MCPH1: variants seen among roughly 807,000 people sequenced by gnomAD.
MCPH1 encodes the protein microcephalin.
MCPH1 carries 104 observed loss-of-function variants against 84.5 expected under a neutral mutation model. The observed-to-expected ratio is 1.23, with a 90% CI of 1.05 to 1.45. The LOEUF is 1.45. Among genes scored for constraint, MCPH1 ranks in the 40% most tolerant of loss-of-function variants. MCPH1 has a pLI of 0.00. For synonymous variants in MCPH1, 514 were observed against 366.8 expected, an observed-to-expected ratio of 1.40 and a Z score of -4.58; for missense variants, 1,498 against 1,005.7, an observed-to-expected ratio of 1.49 and a Z score of -6.62.
chr8:6,626,084 C>G lies in MCPH1; in HGVS notation c.2452+4393C>G, dbSNP rs2928592. The G allele has an allele frequency of 2.5e-3, 2,468 of 985,382 alleles. 50 individuals carry two copies. In the African/African-American group the frequency reaches 0.038, roughly 15 times the overall value. The allele number at this position is 985,382 out of a possible 1,614,324, so 61.0% of individuals were successfully genotyped here. A position where few individuals can be genotyped will look rare whatever the true frequency, so the allele number is the denominator to read the frequency against. ...TTCCTGCACAGTCTGCCTCTCAAGA[C>G]CAACAACTCCATATCTATGACGATA... On this transcript the variant is annotated intron_variant, in intron 13 of 13. Transcript: ENST00000344683.
chr8:6,518,818 T>C (rs1317978965), intron 12 of MCPH1, among the ~76,000 whole-genome samples: 1 of 152,218 alleles, frequency 6.6e-6, no homozygotes, highest in Non-Finnish European at 1.5e-5. Flanking sequence ...TATCCAGTAG[T>C]TACATAACAC....
chr8:6,553,805 G>A lies in MCPH1; in HGVS notation c.2214+53876G>A, dbSNP rs1001344370. ...TTGAGCAGAAAAGCGAATGTCAGAC[G>A]GTCCTTATAAAGTCCCACGTGATTC... On this transcript the variant is annotated intron_variant, in intron 12 of 13. Transcript: ENST00000344683. 4.6e-5 allele frequency among the ~76,000 whole-genome samples: 7 copies of A among 152,140 alleles called. No individual in the cohort carries two copies. In the South Asian group the frequency reaches 8.3e-4, roughly 18 times the overall value.
chr8:6,643,228 GTC>G lies in MCPH1; in HGVS notation c.*181_*182del, dbSNP rs1798048473. The G allele has an allele frequency of 3.0e-6, 2 of 666,924 alleles. No individual in the cohort carries two copies. Among genetic ancestry groups the G allele is most frequent in the Admixed American group, 4.8e-5 (2 of 42,092 alleles). The allele number at this position is 666,924 out of a possible 1,614,324, so 41.3% of individuals were successfully genotyped here. A position where few individuals can be genotyped will look rare whatever the true frequency, so the allele number is the denominator to read the frequency against. On this transcript the variant is annotated 3_prime_UTR_variant, in exon 14 of 14. Coordinates refer to ENST00000344683, the MANE Select transcript of MCPH1 (RefSeq NM_024596.5). ...ATAGGTGACTTTCTGATGACTGAATGTCTGTTTCAGAGACGCTTCGGGCCTTT... is the reference window on the plus strand; with the variant it reads ...ATAGGTGACTTTCTGATGACTGAATGTGTTTCAGAGACGCTTCGGGCCTTT...
At chr8:6,477,831 T>G (rs1433297512) in intron 10 of MCPH1, among the ~76,000 whole-genome samples, 200 bp downstream of exon 10, 1 of 152,250 alleles carries the variant, frequency 6.6e-6, no homozygotes. Flanking sequence ...ACTCTGGGGT[T>G]GTTTAGGCAG....
At chr8:6,528,193 C>T (rs941124273) in intron 12 of MCPH1, among the ~76,000 whole-genome samples, 4 of 152,152 alleles carry the variant, frequency 2.6e-5, no homozygotes, top group African/African-American at 4.8e-5. Context: ...CCACTGCACC[C>T]GGCCGTTATG....
chr8:6,609,975 T>G (rs188854534), intron 12 of MCPH1, among the ~76,000 whole-genome samples: 1 of 152,262 alleles, frequency 6.6e-6, no homozygotes, highest in Non-Finnish European at 1.5e-5. Context: ...TGAAACATCC[T>G]GAAACATCTC....
chr8:6,545,575 G>C (rs1003660887), intron 12 of MCPH1, among the ~76,000 whole-genome samples: 2 of 152,178 alleles, frequency 1.3e-5, no homozygotes, highest in Non-Finnish European at 2.9e-5. Context: ...TCTGATGAGG[G>C]TTAAAATGTA....
chr8:6,506,472 T>C (rs775314893), intron 12 of MCPH1, among the ~76,000 whole-genome samples: 1 of 152,198 alleles, frequency 6.6e-6, no homozygotes, highest in Non-Finnish European at 1.5e-5. Context: ...GCAATTCTCC[T>C]ACTCTCCTGA....
intron 9 of MCPH1, among the ~76,000 whole-genome samples, chr8:6,474,862 C>T (rs942224658): frequency 9.2e-5 from 14 of 152,164 alleles, no homozygotes; most frequent in African/African-American, 2.4e-5. Context: ...ATACTTAATG[C>T]TGACAACTCA....
intron 8 of MCPH1, chr8:6,447,522 G>T (rs1036836710): frequency 3.0e-6 from 2 of 677,794 alleles, no homozygotes; most frequent in African/African-American, 3.9e-5. Flanking sequence ...GGAACTGAGC[G>T]AGAAACAATT....
chr8:6,429,528 C>CT (rs112056239), intron 3 of MCPH1, among the ~76,000 whole-genome samples: 51 of 146,672 alleles, frequency 3.5e-4, no homozygotes, highest in East Asian at 1.8e-3. Flanking sequence ...TTGGGTTTCC[C>CT]TTTTTTTTTT....
At chr8:6,623,687 CCAAAAAAAAAAAAAAA>C (rs1831729989) in intron 13 of MCPH1, among the ~76,000 whole-genome samples, 1 of 17,020 alleles carries the variant, frequency 5.9e-5, no homozygotes. Context: ...AAACCAACTT[CCAAAAAAAAAAAAAAA>C]AAAAAAAAAA....
chr8:6,438,907 T>A (rs1803068495), intron 5 of MCPH1, 46 bp from the exon 6 acceptor site: 5 of 1,589,130 alleles, frequency 3.1e-6, no homozygotes, highest in Admixed American at 1.7e-5. Context: ...TCCTGAAGTA[T>A]GAAGGCACTT....
chr8:6,507,950 C>T (rs1814119665), intron 12 of MCPH1: 1 of 152,132 alleles, frequency 6.6e-6, no homozygotes, highest in Admixed American at 6.5e-5. Context: ...AATACCAACC[C>T]ATCTGTTTTA....
chr8:6,637,182 G>A (rs867704624), intron 13 of MCPH1, among the ~76,000 whole-genome samples: 8 of 152,350 alleles, frequency 5.3e-5, no homozygotes, highest in Non-Finnish European at 4.4e-5. Context: ...GCAACTGACA[G>A]GAATATACAG....
intron 12 of MCPH1, among the ~76,000 whole-genome samples, chr8:6,527,226 T>A (rs972638749): frequency 6.7e-6 from 1 of 150,314 alleles, no homozygotes; most frequent in African/African-American, 2.4e-5. Flanking sequence ...GAGGATCTTT[T>A]GGGCCAGTGG....
intron 12 of MCPH1, chr8:6,562,609 A>G (rs776581031): frequency 8.7e-7 from 1 of 1,142,866 alleles, no homozygotes; most frequent in East Asian, 4.6e-5. Flanking sequence ...GCTGATCTTA[A>G]TAGCATGTTC....
At chr8:6,423,426 A>G (rs902266570) in intron 3 of MCPH1, among the ~76,000 whole-genome samples, 3 of 152,064 alleles carry the variant, frequency 2.0e-5, no homozygotes, top group African/African-American at 4.8e-5. Flanking sequence ...CGGCCTCCCA[A>G]AGTGCTGGGA....
Position 6,499,930 on chromosome 8 carries a change from G to GT in MCPH1, c.2214+2dup. 1 of 1,612,942 alleles carries GT rather than the reference G, an allele frequency of 6.2e-7. No homozygotes were observed. Among genetic ancestry groups the GT allele is most frequent in the Non-Finnish European group, 8.5e-7 (1 of 1,179,314 alleles). ...GTCTCACCACTTCCCTGCAGCTCCC[G>GT]TAAGTCAGATGTTGTTTTACGATGG... On this transcript the variant is annotated splice_donor_variant, in intron 12 of 13. Transcript: ENST00000344683. LOFTEE classifies it high-confidence loss of function.
Sources: allele counts gnomAD v4.1 joint callset (sites outside exome capture counted in the v4.1 genomes callset), GRCh38; gene constraint gnomAD v4.1.1; transcripts MANE v1.5; gene names NCBI Gene and HGNC (gene_info 2026-07-23, HGNC 2026-07-21).